Variants in RBL1 observed in about 807,000 individuals in gnomAD.
RBL1 encodes the protein retinoblastoma-like protein 1.
Under a neutral mutation model 123.0 loss-of-function variants are expected in RBL1, and 82 were observed. The observed-to-expected ratio is 0.67, with a 90% CI of 0.56 to 0.80. The LOEUF (loss-of-function observed/expected upper bound fraction) is 0.80. RBL1 is among the 30% of genes least tolerant of loss of function. The pLI, the probability that RBL1 is intolerant of heterozygous loss-of-function variation, is 0.00. For missense variants in RBL1, 1,171 were observed against 1,299.6 expected (o/e 0.90, Z 1.52); for synonymous variants, 405 against 441.3 (o/e 0.92, Z 1.03).
At chr20:37,067,320 T>C (rs750222279) in intron 3 of RBL1, 23 bp from the exon 4 acceptor site, 1 of 1,551,086 alleles carries the variant, frequency 6.4e-7, no homozygotes, top group Admixed American at 2.0e-5. Context: ...AAAAATTACT[T>C]TTTGTCTGAC....
intron 19 of RBL1, among the ~76,000 whole-genome samples, chr20:37,013,936 T>C (rs530590642): frequency 6.6e-6 from 1 of 152,230 alleles, no homozygotes; most frequent in Non-Finnish European, 1.5e-5. Flanking sequence ...TGAATTTGTT[T>C]ATAGAACCAG....
chr20:37,047,849 G>A (rs1240249230), intron 11 of RBL1, among the ~76,000 whole-genome samples: 4 of 151,884 alleles, frequency 2.6e-5, no homozygotes, highest in East Asian at 1.9e-4. Flanking sequence ...GTGTGGTGGC[G>A]CGTGCCTGTG....
intron 2 of RBL1, among the ~76,000 whole-genome samples, chr20:37,078,536 TTTG>T (rs1234460702): frequency 1.3e-5 from 2 of 152,190 alleles, no homozygotes; most frequent in Non-Finnish European, 1.5e-5. Flanking sequence ...CCTCCACCAT[TTTG>T]TTGAGCACTC....
Position 37,054,915 on chromosome 20 carries a change from A to G in RBL1, c.1467+638T>C, listed in dbSNP as rs971647420. Among the ~76,000 whole-genome samples the G allele has an allele frequency of 3.3e-4, 50 of 152,338 alleles. 1 individual carries two copies. Among genetic ancestry groups the G allele is most frequent in the African/African-American group, 1.2e-3 (49 of 41,590 alleles). Reference sequence around the variant, plus strand: ...TTAGCGTAAACTATGAAAAAGAAAGACACAGAAAAGAGAAACCAACACAGA... The same window carrying G: ...TTAGCGTAAACTATGAAAAAGAAAGGCACAGAAAAGAGAAACCAACACAGA... On this transcript the variant is annotated intron_variant, in intron 11 of 21. Transcript: ENST00000373664.
At chr20:37,016,883 C>CAGAAAAGAAA (rs142828607) in intron 19 of RBL1, among the ~76,000 whole-genome samples, 1 of 122,246 alleles carries the variant, frequency 8.2e-6, no homozygotes, top group Non-Finnish European at 1.6e-5. Flanking sequence ...GATCCTGTCT[C>CAGAAAAGAAA]AGAAAAGAAA....
chr20:37,072,456 C>T (rs994315452), intron 2 of RBL1, among the ~76,000 whole-genome samples: 14 of 151,932 alleles, frequency 9.2e-5, no homozygotes, highest in African/African-American at 2.2e-4. Context: ...GAGCTGAGAT[C>T]GCACCATTGC....
intron 17 of RBL1, chr20:37,021,938 A>G (rs780348818): frequency 6.5e-6 from 1 of 153,876 alleles, no homozygotes; most frequent in Non-Finnish European, 1.5e-5. Flanking sequence ...AAATGAATCA[A>G]CCATTTTCTT....
At position 37,067,132 on chromosome 20, in the gene RBL1, G is replaced by GA. The variant is rs371434822; in HGVS notation, c.557-12dup. The GA allele has an allele frequency of 0.057, 77,019 of 1,347,792 alleles. 74 individuals are homozygous for GA. The highest frequency in any genetic ancestry group is 0.095 in the African/African-American group (5,473 of 57,748). The allele number at this position is 1,347,792 out of a possible 1,614,324, so 83.5% of individuals were successfully genotyped here. Reference sequence around the variant, plus strand: ...TCATCCGAAAATTACCTTTATAAGGGAAAAAAAAAAAAAAAAGACACAAAA... The same window carrying GA: ...TCATCCGAAAATTACCTTTATAAGGGAAAAAAAAAAAAAAAAAGACACAAAA... On this transcript the variant is annotated splice_polypyrimidine_tract_variant and intron_variant, in intron 4 of 21. Transcript: ENST00000373664.
intron 2 of RBL1, among the ~76,000 whole-genome samples, chr20:37,075,137 T>C (rs1169340988): frequency 6.6e-6 from 1 of 152,200 alleles, no homozygotes; most frequent in African/African-American, 2.4e-5. Context: ...ATTCCATTTA[T>C]ATGAAATGTC....
At chr20:37,046,943 A>C (rs1196727310) in intron 12 of RBL1, 110 bp downstream of exon 12, 3 of 1,391,004 alleles carry the variant, frequency 2.2e-6, no homozygotes. Context: ...CACATCTGGA[A>C]ACACTTTCCA....
At chr20:37,045,453 C>T (rs193016582) in intron 12 of RBL1, among the ~76,000 whole-genome samples, 1 of 151,258 alleles carries the variant, frequency 6.6e-6, no homozygotes, top group Non-Finnish European at 1.5e-5. Flanking sequence ...TCATTTATGT[C>T]ATTTAAAAAA....
In RBL1 at chr20:37,032,819, T is replaced by G; in HGVS notation, c.2228A>C (p.Gln743Pro). ...TLIPLSMNTN[Q>P]ESKVKSPVSL... Reference sequence around the variant, plus strand: ...TACAGGACTCTTGACTTTGGACTCCTGATTTGTATTCATGGAAAGAGGTAT... The same window carrying G: ...TACAGGACTCTTGACTTTGGACTCCGGATTTGTATTCATGGAAAGAGGTAT... Residue 743 changes from glutamine to proline, a missense_variant, in exon 16 of 22, where the codon CAG becomes CCG. Coordinates refer to ENST00000373664, the MANE Select transcript of RBL1 (RefSeq NM_002895.5). 6.2e-7 allele frequency: 1 copy of G among 1,614,094 alleles called. No homozygotes were observed. Among genetic ancestry groups the G allele is most frequent in the Non-Finnish European group, 8.5e-7 (1 of 1,179,998 alleles).
intron 21 of RBL1, among the ~76,000 whole-genome samples, chr20:37,001,035 GC>G (rs2063968716): frequency 1.4e-5 from 2 of 138,384 alleles, no homozygotes; most frequent in African/African-American, 2.7e-5. Context: ...GGGGGGGTCA[GC>G]CCCCCACCCG....
At chr20:37,057,794 G>A (rs1274718820) in intron 9 of RBL1, among the ~76,000 whole-genome samples, 1 of 152,018 alleles carries the variant, frequency 6.6e-6, no homozygotes, top group Non-Finnish European at 1.5e-5. Flanking sequence ...TTGGAGATCG[G>A]CCTGGCCAAC....
At chr20:37,003,638 A>T in intron 21 of RBL1, 64 bp downstream of exon 21, 1 of 1,461,574 alleles carries the variant, frequency 6.8e-7, no homozygotes, top group Non-Finnish European at 9.1e-7. Context: ...AAAAAAAAAA[A>T]GAGGCAGGAT....
chr20:37,021,758 T>G (rs1244582474), intron 17 of RBL1: 1 of 186,442 alleles, frequency 5.4e-6, no homozygotes, highest in African/African-American at 2.4e-5. Context: ...TTGAGTTTTC[T>G]AACTGCAACT....
chr20:37,049,914 T>C (rs1421892423), intron 11 of RBL1, among the ~76,000 whole-genome samples: 1 of 151,354 alleles, frequency 6.6e-6, no homozygotes, highest in Non-Finnish European at 1.5e-5. Flanking sequence ...AATACAAAAG[T>C]AGCCAGGTGT....
At chr20:37,043,388 G>A (rs1296478919) in intron 13 of RBL1, among the ~76,000 whole-genome samples, 2 of 151,492 alleles carry the variant, frequency 1.3e-5, no homozygotes, top group South Asian at 2.1e-4. Context: ...AGCTACACGG[G>A]AGGCTGAGAC....
At chr20:37,083,153 TA>T (rs1171483401) in intron 2 of RBL1, among the ~76,000 whole-genome samples, 1 of 152,120 alleles carries the variant, frequency 6.6e-6, no homozygotes, top group East Asian at 1.9e-4. Context: ...CTTTTAGCAT[TA>T]AAAATTTGAC....
Sources: gnomAD v4.1 joint callset for allele counts (sites outside exome capture counted in the v4.1 genomes callset) on GRCh38, gnomAD v4.1.1 for gene constraint, MANE v1.5 for transcripts, NCBI Gene and HGNC (gene_info 2026-07-23, HGNC 2026-07-21) for gene names.